Variants in LIMS1 observed in about 807,000 individuals in gnomAD.
The protein encoded by LIMS1 is LIM zinc finger domain containing 1, also known as LIM and senescent cell antigen-like-containing domain protein 1.
In LIMS1, 18 loss-of-function variants were observed where a neutral mutation model predicts 44.1. The ratio of observed to expected loss-of-function variants is 0.41; its 90% CI spans 0.28 to 0.61. The LOEUF is 0.61. Ranked by LOEUF, LIMS1 falls within the 20% of genes least tolerant of loss-of-function variation. LIMS1 has a pLI of 0.32. For missense variants in LIMS1, 201 were observed against 422.0 expected (o/e 0.48, Z 4.59); for synonymous variants, 93 against 149.1 (o/e 0.62, Z 2.74).
intron 9 of LIMS1, chr2:108,681,520 T>C (rs1247250413): frequency 1.0e-6 from 1 of 977,232 alleles, no homozygotes; most frequent in African/African-American, 1.8e-5. Context: ...TAACTGTAGC[T>C]TTTAAAATCC....
At chr2:108,595,574 TCC>T (rs1368956495) in intron 1 of LIMS1, among the ~76,000 whole-genome samples, 1 of 152,210 alleles carries the variant, frequency 6.6e-6, no homozygotes, top group Non-Finnish European at 1.5e-5. Context: ...GTTGCCTTTG[TCC>T]CACTTAACTA....
At chr2:108,661,751 C>T (rs1255888556) in intron 2 of LIMS1, among the ~76,000 whole-genome samples, 2 of 152,112 alleles carry the variant, frequency 1.3e-5, no homozygotes, top group Non-Finnish European at 2.9e-5. Context: ...ACCTCGGCAC[C>T]ATGGAGGCCT....
rs1225142334 is a variant in LIMS1, at chr2:108,672,320, C to G, written c.260-5C>G. 3 of 1,299,830 alleles carry G rather than the reference C, an allele frequency of 2.3e-6. No homozygotes were observed. The highest frequency in any genetic ancestry group is 2.8e-5 in the South Asian group (2 of 72,004). The allele number at this position is 1,299,830 out of a possible 1,614,324, so 80.5% of individuals were successfully genotyped here. On this transcript the variant is annotated splice_region_variant and splice_polypyrimidine_tract_variant and intron_variant, in intron 3 of 9. Coordinates refer to ENST00000544547, the Ensembl canonical transcript of LIMS1. ...TAACATCCTTTGTGTGTTGCTTTCC[C>G]ACAGGTGAATTCATCATTGGCCGAG...
At chr2:108,564,201 T>G (rs960754027) in intron 1 of LIMS1, among the ~76,000 whole-genome samples, 1 of 152,202 alleles carries the variant, frequency 6.6e-6, no homozygotes, top group African/African-American at 2.4e-5. Context: ...AATGACTCGC[T>G]GAAGGCTCAG....
intron 1 of LIMS1, among the ~76,000 whole-genome samples, chr2:108,567,494 A>G (rs955186442): frequency 2.0e-5 from 3 of 152,222 alleles, no homozygotes; most frequent in Non-Finnish European, 4.4e-5. Context: ...CATACAATAA[A>G]TGATGATCAA....
At chr2:108,647,348 A>G (rs1338677345) in intron 1 of LIMS1, among the ~76,000 whole-genome samples, 1 of 152,226 alleles carries the variant, frequency 6.6e-6, no homozygotes, top group African/African-American at 2.4e-5. Context: ...AAAAAAGTCC[A>G]GGACTGGATG....
chr2:108,559,826 G>T (rs906227038), intron 1 of LIMS1, among the ~76,000 whole-genome samples: 3 of 152,172 alleles, frequency 2.0e-5, no homozygotes, highest in Admixed American at 6.5e-5. Flanking sequence ...TTATAAACTG[G>T]TTTGACACTA....
intron 2 of LIMS1, chr2:108,660,097 T>C (rs560258961): frequency 4.5e-6 from 2 of 445,606 alleles, no homozygotes; most frequent in Non-Finnish European, 8.7e-6. Context: ...TCAGCCACAC[T>C]CAGGCCCCCC....
intron 1 of LIMS1, among the ~76,000 whole-genome samples, chr2:108,596,917 T>G (rs1472015948): frequency 0.019 from 182 of 9,506 alleles, 1 homozygote; most frequent in African/African-American, 0.034. Flanking sequence ...AAACATCTGT[T>G]TTTTTTTTTT....
chr2:108,552,064 G>A (rs1423867558), intron 1 of LIMS1, among the ~76,000 whole-genome samples: 1 of 145,510 alleles, frequency 6.9e-6, no homozygotes, highest in Non-Finnish European at 1.5e-5. Flanking sequence ...GTGTGTATAT[G>A]TGTGTGTATG....
At chr2:108,534,709 T>TC (rs1375741691) in intron 1 of LIMS1, 115 bp downstream of exon 1, 1 of 534,086 alleles carries the variant, frequency 1.9e-6, no homozygotes, top group African/African-American at 2.1e-5. Flanking sequence ...CCCCGCGGCC[T>TC]CCCCCGGTCG....
intron 1 of LIMS1, chr2:108,621,309 A>G: frequency 6.5e-7 from 1 of 1,548,380 alleles, no homozygotes; most frequent in Non-Finnish European, 8.7e-7. Context: ...CACACTGCTG[A>G]GCATAAATGC....
intron 1 of LIMS1, 41 bp downstream of exon 1, chr2:108,534,635 C>A (rs1160066795): frequency 1.5e-5 from 16 of 1,078,996 alleles, no homozygotes. Context: ...GTCCGCCCCG[C>A]AGCTCCCGGC....
At chr2:108,681,234 G>A (rs1350539536) in intron 9 of LIMS1, 1 of 1,249,040 alleles carries the variant, frequency 8.0e-7, no homozygotes, top group African/African-American at 1.6e-5. Flanking sequence ...TTTTGGGCAT[G>A]TATTTGTAGT....
chr2:108,637,700 T>C (rs893102830), intron 1 of LIMS1, among the ~76,000 whole-genome samples: 14 of 152,196 alleles, frequency 9.2e-5, no homozygotes, highest in Admixed American at 3.3e-4. Flanking sequence ...AAAAGCTGTT[T>C]AGGTGTGAGA....
intron 1 of LIMS1, among the ~76,000 whole-genome samples, chr2:108,576,626 C>G (rs201625580): frequency 1.3e-5 from 2 of 152,118 alleles, no homozygotes; most frequent in Non-Finnish European, 2.9e-5. Flanking sequence ...GTCTCAAACT[C>G]CTGACCTCAT....
intron 9 of LIMS1, 145 bp from the exon 10 acceptor site, chr2:108,683,740 G>T (rs1246868404): frequency 2.3e-6 from 1 of 431,948 alleles, no homozygotes; most frequent in South Asian, 4.9e-5. Flanking sequence ...TTGAGGTTAG[G>T]ATTATGGTTT....
chr2:108,646,208 T>C (rs912705536), intron 1 of LIMS1, among the ~76,000 whole-genome samples: 4 of 152,188 alleles, frequency 2.6e-5, no homozygotes, highest in Non-Finnish European at 5.9e-5. Context: ...ATAGCACTTA[T>C]TCTAAAATTG....
chr2:108,684,635 C>T (rs561360408), exon 10 of LIMS1: 2 of 149,300 alleles, frequency 1.3e-5, no homozygotes, highest in Non-Finnish European at 3.0e-5. Context: ...CAAATGATTA[C>T]TTAACGCAGT....
Sources: gnomAD v4.1 joint callset for allele counts (sites outside exome capture counted in the v4.1 genomes callset) on GRCh38, gnomAD v4.1.1 for gene constraint, MANE v1.5 for transcripts, NCBI Gene and HGNC (gene_info 2026-07-23, HGNC 2026-07-21) for gene names.